The following MTRF1 variants were observed in gnomAD, a reference collection of about 807,000 sequenced individuals.
MTRF1 encodes the protein peptide chain release factor 1, mitochondrial.
In MTRF1, 51 loss-of-function variants were observed where a neutral mutation model predicts 62.9. That is an observed-to-expected ratio of 0.81 (90% CI 0.65 to 1.02). The LOEUF is 1.02. Among genes scored for constraint, MTRF1 ranks in the 50% least tolerant of loss-of-function variants. MTRF1 has a pLI of 0.00. For synonymous variants in MTRF1, 158 were observed against 181.9 expected (o/e 0.87, Z 1.06); for missense variants, 446 against 530.0 (o/e 0.84, Z 1.56).
chr13:41,295,119 G>C, the MTRF1 span, among the ~76,000 whole-genome samples: 1 of 152,026 alleles, frequency 6.6e-6, no homozygotes, highest in East Asian at 1.9e-4. Flanking sequence ...ACATCTTTTT[G>C]CTTGGCTGGG....
At chr13:41,223,413 GA>G in intron 8 of MTRF1, 59 bp from the exon 9 acceptor site, 2 of 1,357,188 alleles carry the variant, frequency 1.5e-6, no homozygotes, top group Non-Finnish European at 2.1e-6. Flanking sequence ...CATTACAATG[GA>G]AAAAGCACTT....
chr13:41,270,520 C>G, the MTRF1 span, among the ~76,000 whole-genome samples: 1 of 152,098 alleles, frequency 6.6e-6, no homozygotes, highest in Non-Finnish European at 1.5e-5. Context: ...CTTTCAAATT[C>G]TTGATAACCT....
the MTRF1 span, among the ~76,000 whole-genome samples, chr13:41,288,689 G>T: frequency 1.3e-5 from 2 of 152,050 alleles, no homozygotes; most frequent in African/African-American, 4.8e-5. Context: ...TCATTTTAGT[G>T]AGTATTTTTC....
intron 5 of MTRF1, among the ~76,000 whole-genome samples, chr13:41,250,497 A>T (rs9532750): frequency 0.024 from 3,490 of 144,202 alleles, 64 homozygotes; most frequent in Middle Eastern, 0.076. Context: ...TTTACTCCAA[A>T]TTTTTTTTTT....
intron 1 of MTRF1, 162 bp downstream of exon 1, chr13:41,263,323 T>C: frequency 1.6e-6 from 2 of 1,289,142 alleles, no homozygotes; most frequent in Non-Finnish European, 2.0e-6. Context: ...ACAGTATTAC[T>C]CTGATGCTTT....
chr13:41,225,291 T>C (rs1468421182), intron 8 of MTRF1, among the ~76,000 whole-genome samples: 2 of 151,588 alleles, frequency 1.3e-5, no homozygotes, highest in Non-Finnish European at 2.9e-5. Context: ...CTTTTTAAAA[T>C]TCAAATGTGG....
the MTRF1 span, among the ~76,000 whole-genome samples, chr13:41,293,828 A>AT: frequency 2.0e-5 from 3 of 152,220 alleles, no homozygotes; most frequent in Admixed American, 6.5e-5. Context: ...ATAGATACTA[A>AT]TTAAATCTGG....
the MTRF1 span, among the ~76,000 whole-genome samples, chr13:41,271,087 ACACACC>A: frequency 4.0e-4 from 51 of 127,170 alleles, no homozygotes; most frequent in Non-Finnish European, 5.2e-4. Context: ...ACACACACAC[ACACACC>A]CCATATAGCT....
the MTRF1 span, among the ~76,000 whole-genome samples, chr13:41,302,988 C>T: frequency 6.6e-6 from 1 of 152,076 alleles, no homozygotes; most frequent in Non-Finnish European, 1.5e-5. Flanking sequence ...CCTGTAATTC[C>T]AGCTACTCAA....
At chr13:41,238,718 G>A (rs2037072086) in intron 6 of MTRF1, among the ~76,000 whole-genome samples, 1 of 152,150 alleles carries the variant, frequency 6.6e-6, no homozygotes, top group Non-Finnish European at 1.5e-5. Context: ...TTTTACAATG[G>A]AGATATTTCT....
intron 2 of MTRF1, 90 bp from the exon 3 acceptor site, chr13:41,254,710 T>C: frequency 2.3e-6 from 2 of 868,830 alleles, no homozygotes; most frequent in Non-Finnish European, 3.6e-6. Context: ...GCTACTAAGT[T>C]TTATTTCAGT....
chr13:41,305,771 T>C, the MTRF1 span, among the ~76,000 whole-genome samples: 1 of 152,200 alleles, frequency 6.6e-6, no homozygotes, highest in Non-Finnish European at 1.5e-5. Flanking sequence ...CATTATCACC[T>C]CCCCAAAGGG....
the MTRF1 span, among the ~76,000 whole-genome samples, chr13:41,297,403 A>G: frequency 2.6e-5 from 4 of 152,130 alleles, no homozygotes; most frequent in Non-Finnish European, 5.9e-5. Context: ...CCCTGAAGTA[A>G]CAACCACTCA....
chr13:41,227,830 A>G (rs1204096288), intron 7 of MTRF1, among the ~76,000 whole-genome samples: 1 of 152,240 alleles, frequency 6.6e-6, no homozygotes, highest in Non-Finnish European at 1.5e-5. Flanking sequence ...TAATACTTTT[A>G]GTAGGGCACT....
intron 6 of MTRF1, among the ~76,000 whole-genome samples, chr13:41,238,610 GA>G (rs971548315): frequency 7.9e-5 from 12 of 152,162 alleles, no homozygotes; most frequent in African/African-American, 2.7e-4. Context: ...TTCAGGCAAG[GA>G]TCACCAATGG....
the MTRF1 span, among the ~76,000 whole-genome samples, chr13:41,291,380 G>A: frequency 1.6e-3 from 245 of 151,976 alleles, 1 homozygote; most frequent in African/African-American, 5.5e-3. Context: ...GTTTTGCCAC[G>A]TTGCCTAGGG....
At chr13:41,311,462 C>A in the MTRF1 span, 109 of 1,488,310 alleles carry the variant, frequency 7.3e-5, no homozygotes, top group South Asian at 2.5e-4. Flanking sequence ...CGGTGCCCAC[C>A]CCCGCGAAGC....
chr13:41,219,152 G>A (rs1319911467), intron 9 of MTRF1, among the ~76,000 whole-genome samples: 122 of 146,940 alleles, frequency 8.3e-4, no homozygotes, highest in Non-Finnish European at 1.6e-3. Context: ...TTAGCCAGGC[G>A]TGGTGGTGTG....
At chr13:41,229,027 G>T (rs931682358) in intron 7 of MTRF1, among the ~76,000 whole-genome samples, 1 of 152,196 alleles carries the variant, frequency 6.6e-6, no homozygotes, top group Non-Finnish European at 1.5e-5. Flanking sequence ...GGTCATAACT[G>T]CATGGCTTCA....
Sources: allele counts gnomAD v4.1 joint callset (sites outside exome capture counted in the v4.1 genomes callset), GRCh38; gene constraint gnomAD v4.1.1; transcripts MANE v1.5; gene names NCBI Gene and HGNC (gene_info 2026-07-23, HGNC 2026-07-21).